The following METTL24 variants were observed in gnomAD, a reference collection of about 807,000 sequenced individuals.
METTL24 encodes the protein probable methyltransferase-like protein 24.
Under a neutral mutation model 32.7 loss-of-function variants are expected in METTL24, and 29 were observed. That is an observed-to-expected ratio of 0.89 (90% CI 0.66 to 1.21). METTL24 has a LOEUF of 1.21. Ranked by LOEUF, METTL24 falls within the 50% of genes most tolerant of loss-of-function variation. The probability of loss-of-function intolerance (pLI) is 0.00; values close to 1 mark genes in which losing one functional copy is unlikely to be tolerated. For missense variants in METTL24, 439 were observed against 468.1 expected (o/e 0.94, Z 0.57); for synonymous variants, 163 against 179.5 (o/e 0.91, Z 0.73).
chr6:110,333,680 G>C (rs542845282), intron 1 of METTL24, among the ~76,000 whole-genome samples: 2 of 152,116 alleles, frequency 1.3e-5, no homozygotes, highest in African/African-American at 4.8e-5. Flanking sequence ...GACCTCAAAT[G>C]ACCTGCCCAC....
intron 1 of METTL24, among the ~76,000 whole-genome samples, chr6:110,342,562 C>T (rs1293464700): frequency 6.6e-6 from 1 of 152,208 alleles, no homozygotes; most frequent in Non-Finnish European, 1.5e-5. Flanking sequence ...ATATGATTCA[C>T]ATGCCACAAA....
intron 1 of METTL24, among the ~76,000 whole-genome samples, chr6:110,338,946 T>C (rs1772293759): frequency 6.6e-6 from 1 of 152,178 alleles, no homozygotes. Flanking sequence ...GAAAACAGTG[T>C]TTGTCATGGG....
intron 1 of METTL24, among the ~76,000 whole-genome samples, chr6:110,342,275 T>A (rs1299587956): frequency 6.6e-6 from 1 of 152,182 alleles, no homozygotes; most frequent in East Asian, 1.9e-4. Flanking sequence ...GCAATGCGTC[T>A]GCCATGCCTG....
At chr6:110,309,892 A>G (rs1582416884) in intron 3 of METTL24, among the ~76,000 whole-genome samples, 1 of 152,290 alleles carries the variant, frequency 6.6e-6, no homozygotes, top group East Asian at 1.9e-4. Context: ...AAAACAAAAC[A>G]AAACAAAAAA....
At chr6:110,287,285 A>G (rs940253594) in intron 4 of METTL24, among the ~76,000 whole-genome samples, 3 of 152,218 alleles carry the variant, frequency 2.0e-5, no homozygotes, top group Non-Finnish European at 4.4e-5. Context: ...CATTTTCCCA[A>G]GATGGCTTGT....
At chr6:110,345,508 A>G (rs952821270) in intron 1 of METTL24, among the ~76,000 whole-genome samples, 2 of 152,228 alleles carry the variant, frequency 1.3e-5, no homozygotes, top group Admixed American at 6.5e-5. Context: ...TCACAATAGC[A>G]AAGACATGGA....
At chr6:110,331,933 C>A (rs1772117393) in intron 1 of METTL24, among the ~76,000 whole-genome samples, 1 of 152,156 alleles carries the variant, frequency 6.6e-6, no homozygotes, top group African/African-American at 2.4e-5. Context: ...CCCATAGGAG[C>A]CTCTTCCCCT....
intron 4 of METTL24, among the ~76,000 whole-genome samples, chr6:110,264,731 A>G (rs1467314725): frequency 6.6e-6 from 1 of 152,252 alleles, no homozygotes; most frequent in Non-Finnish European, 1.5e-5. Context: ...CCAAATGTCC[A>G]TCAATGATAG....
intron 3 of METTL24, among the ~76,000 whole-genome samples, chr6:110,302,918 C>A (rs73763016): frequency 0.028 from 4,324 of 152,176 alleles, 195 homozygotes; most frequent in African/African-American, 0.099. Flanking sequence ...CCCAGCAAGA[C>A]CAATGCAGAA....
At chr6:110,268,871 C>T (rs1455244426) in intron 4 of METTL24, among the ~76,000 whole-genome samples, 1 of 152,160 alleles carries the variant, frequency 6.6e-6, no homozygotes, top group African/African-American at 2.4e-5. Flanking sequence ...TTCTGCTACA[C>T]AGGGGTTCCT....
rs1004495025 is a variant in METTL24, at chr6:110,330,725, A to G, written c.319-7853T>C. Among the ~76,000 whole-genome samples, 2 of 152,180 alleles carry G rather than the reference A, an allele frequency of 1.3e-5. 1 individual carries two copies. ...CCAAGCCTTTGAAAACAGAGCTGACATGGAAATTACAACCCACAGGAGGCT... is the reference window on the plus strand; with the variant it reads ...CCAAGCCTTTGAAAACAGAGCTGACGTGGAAATTACAACCCACAGGAGGCT... On this transcript the variant is annotated intron_variant, in intron 1 of 4. Transcript: ENST00000338882.
chr6:110,265,707 G>A (rs1413790816), intron 4 of METTL24, among the ~76,000 whole-genome samples: 1 of 152,172 alleles, frequency 6.6e-6, no homozygotes, highest in East Asian at 1.9e-4. Context: ...AGGATTATAT[G>A]CCAGGGGAGG....
intron 2 of METTL24, among the ~76,000 whole-genome samples, 170 bp from the exon 3 acceptor site, chr6:110,315,651 G>C (rs1582420733): frequency 6.6e-6 from 1 of 152,172 alleles, no homozygotes; most frequent in Admixed American, 6.5e-5. Flanking sequence ...AAAGTGTTTG[G>C]AGAAATTTCA....
rs1771952300 is a variant in METTL24, at chr6:110,322,844, G to A, written c.347C>T (p.Pro116Leu). The change falls in exon 2 of 5, where the codon CCT (proline) becomes CTT (leucine). Residue 116 changes from proline (P) to leucine (L), a missense_variant. Transcript: ENST00000338882. ...CAGGGACTGAGCAGAGCCTGCCCAA[G>A]GCTGGAGATCTATATGCCACCGGGG... ...KGPRWHIDLQ[P>L]WAGSAQSLDE... 3.7e-6 allele frequency: 6 copies of A among 1,613,892 alleles called. No individual in the cohort carries two copies. Among genetic ancestry groups the A allele is most frequent in the Non-Finnish European group, 5.1e-6 (6 of 1,179,874 alleles).
intron 3 of METTL24, among the ~76,000 whole-genome samples, chr6:110,311,818 A>G (rs1771728974): frequency 6.6e-6 from 1 of 152,136 alleles, no homozygotes; most frequent in African/African-American, 2.4e-5. Context: ...AACGGTAAAC[A>G]TTTAAATGAA....
rs776356829 is a variant in METTL24, at chr6:110,298,977, G to A, written c.731C>T (p.Pro244Leu). ...DPHPAVAAQK[P>L]HSNTRKLGSI... ...TCCCAGTTTTCTGGTGTTGCTATGT[G>A]GTTTTTGGGCAGCAACAGCTGGATG... The change falls in exon 4 of 5, where the codon CCA (proline) becomes CTA (leucine). Residue 244 changes from proline to leucine, a missense_variant. Coordinates refer to ENST00000338882, the MANE Select transcript of METTL24 (RefSeq NM_001123364.3). 1 of 1,614,166 alleles carries A rather than the reference G, an allele frequency of 6.2e-7. No homozygotes were observed. The highest frequency in any genetic ancestry group is 2.2e-5 in the East Asian group (1 of 44,886).
At chr6:110,318,457 G>A (rs542430222) in intron 2 of METTL24, among the ~76,000 whole-genome samples, 1 of 152,080 alleles carries the variant, frequency 6.6e-6, no homozygotes, top group South Asian at 2.1e-4. Context: ...AGACCAGCCT[G>A]GCCAGCATGG....
At chr6:110,255,425 G>A (rs1463411698) in intron 4 of METTL24, among the ~76,000 whole-genome samples, 7 of 152,112 alleles carry the variant, frequency 4.6e-5, no homozygotes, top group Non-Finnish European at 1.0e-4. Flanking sequence ...CAGCCAAGAT[G>A]TCAGAGGTCA....
chr6:110,349,437 C>A (rs1431515697), intron 1 of METTL24, among the ~76,000 whole-genome samples: 1 of 152,178 alleles, frequency 6.6e-6, no homozygotes, highest in African/African-American at 2.4e-5. Context: ...AGCAGCACCC[C>A]ACACCCGCAA....
Sources: gnomAD v4.1 joint callset for allele counts (sites outside exome capture counted in the v4.1 genomes callset) on GRCh38, gnomAD v4.1.1 for gene constraint, MANE v1.5 for transcripts, NCBI Gene and HGNC (gene_info 2026-07-23, HGNC 2026-07-21) for gene names.